Variants in PACS2 observed in about 807,000 individuals in gnomAD.
PACS2 encodes the protein phosphofurin acidic cluster sorting protein 2.
Under a neutral mutation model 113.0 loss-of-function variants are expected in PACS2, and 36 were observed. That is an observed-to-expected ratio of 0.32 (90% confidence interval 0.24 to 0.42). PACS2 has a LOEUF of 0.42. Among genes scored for constraint, PACS2 ranks in the 10% least tolerant of loss-of-function variants. The pLI is 1.00. For synonymous variants in PACS2, 589 were observed against 536.1 expected, an observed-to-expected ratio of 1.10 and a Z score of -1.36; for missense variants, 1,015 against 1,239.5, an observed-to-expected ratio of 0.82 and a Z score of 2.72.
At chr14:105,384,658 C>T (rs2081111791) in intron 17 of PACS2, among the ~76,000 whole-genome samples, 195 bp downstream of exon 17, 1 of 152,202 alleles carries the variant, frequency 6.6e-6, no homozygotes, top group African/African-American at 2.4e-5. Context: ...AGCTGTGGGG[C>T]CTGTCTGGGA....
intron 1 of PACS2, among the ~76,000 whole-genome samples, chr14:105,319,713 A>G (rs749382060): frequency 3.3e-5 from 5 of 152,096 alleles, no homozygotes; most frequent in Non-Finnish European, 7.3e-5. Flanking sequence ...AGTGTTGAAT[A>G]TGGTTGGTTG....
At chr14:105,335,429 CG>C (rs1458035834) in intron 1 of PACS2, among the ~76,000 whole-genome samples, 1 of 151,940 alleles carries the variant, frequency 6.6e-6, no homozygotes, top group African/African-American at 2.4e-5. Flanking sequence ...ACGCTGTGGC[CG>C]GCGCCTGGCG....
intron 22 of PACS2, 115 bp downstream of exon 22, chr14:105,391,881 C>G: frequency 8.8e-7 from 1 of 1,130,090 alleles, no homozygotes. Context: ...GCCTGTCAGC[C>G]ACGAAGGCGG....
At chr14:105,367,933 G>A (rs1160332196) in intron 5 of PACS2, 141 bp from the exon 6 acceptor site, 11 of 673,236 alleles carry the variant, frequency 1.6e-5, no homozygotes, top group Admixed American at 2.4e-5. Context: ...CACGGCACCT[G>A]TGTCTGGAGC....
chr14:105,344,340 G>T (rs1375031448), intron 1 of PACS2, among the ~76,000 whole-genome samples: 2 of 151,856 alleles, frequency 1.3e-5, no homozygotes, highest in African/African-American at 2.4e-5. Context: ...CCCCAGGCTG[G>T]CGTGCAGTGA....
At position 105,365,743 on chromosome 14, in the gene PACS2, G is replaced by C. The variant is rs587686426; in HGVS notation, c.424-1470G>C. 3.3e-5 allele frequency among the ~76,000 whole-genome samples: 5 copies of C among 152,114 alleles called. No individual in the cohort carries two copies. The highest frequency in any genetic ancestry group is 2.1e-4 in the South Asian group (1 of 4,824). The stretch of plus-strand genomic sequence containing the variant: ...CAGCAAGGGCTCAGCATTTCTGACC[G>C]AGGGCTTCTGAGCTTCCAGGTTCTC... On this transcript the variant is annotated intron_variant, in intron 4 of 24. Transcript: ENST00000447393. The surrounding 1 kb of genome is among the most constrained non-coding windows in gnomAD (Gnocchi z 5.1).
In PACS2 at chr14:105,357,204, C is replaced by G. The variant is rs1265719771; in HGVS notation, c.423+2027C>G. Among the ~76,000 whole-genome samples the G allele has an allele frequency of 6.6e-6, 1 of 152,164 alleles. No homozygotes were observed. The highest frequency in any genetic ancestry group is 2.4e-5 in the African/African-American group (1 of 41,426). ...CCTCTGCTCCCAGGCCCCTCCCTCA[C>G]CTGTCCTCCCAGCCTTGGGCTGTCC... On this transcript the variant is annotated intron_variant, in intron 4 of 24. Transcript: ENST00000447393. This position sits in a 1 kb window ranked among gnomAD's most constrained non-coding sequence, Gnocchi z 5.1.
rs1249646971 is a variant in PACS2, at chr14:105,323,476, C to T, written c.119+8439C>T. ...ACTCTCACGGCGGGACCCTGTCTGC[C>T]TTGCTCGGTGCTGCCCAGAGCCTGC... On this transcript the variant is annotated intron_variant, in intron 1 of 24. Transcript: ENST00000447393. This position sits in a 1 kb window ranked among gnomAD's most constrained non-coding sequence, Gnocchi z 4.1. Among the ~76,000 whole-genome samples the T allele has an allele frequency of 1.3e-5, 2 of 152,254 alleles. No homozygotes were observed. Among genetic ancestry groups the T allele is most frequent in the Non-Finnish European group, 2.9e-5 (2 of 68,040 alleles).
intron 23 of PACS2, 45 bp from the exon 24 acceptor site, chr14:105,393,177 C>T (rs373033776): frequency 6.5e-5 from 97 of 1,492,162 alleles, no homozygotes; most frequent in Non-Finnish European, 8.4e-5. Context: ...GCCCCAGCCC[C>T]GAAGGAGCAG....
Position 105,329,545 on chromosome 14 carries a change from A to AG in PACS2, c.119+14509dup, listed in dbSNP as rs1457891010. 6.6e-6 allele frequency among the ~76,000 whole-genome samples: 1 copy of AG among 151,984 alleles called. No homozygotes were observed. Among genetic ancestry groups the AG allele is most frequent in the Non-Finnish European group, 1.5e-5 (1 of 67,984 alleles). On this transcript the variant is annotated intron_variant, in intron 1 of 24. Transcript: ENST00000447393. This position sits in a 1 kb window ranked among gnomAD's most constrained non-coding sequence, Gnocchi z 6.4. ...GATCCTTGGGCTCATGGGGCAGTAG[A>AG]GTGGGGGGCTGTGGTCCTGGGCACC...
chr14:105,384,810 C>T (rs1187513963), intron 17 of PACS2, 69 bp from the exon 18 acceptor site: 1 of 1,045,736 alleles, frequency 9.6e-7, no homozygotes, highest in Non-Finnish European at 1.5e-6. Flanking sequence ...ACCGGGGAGG[C>T]CCAGCTTAGC....
At chr14:105,302,953 T>A (rs1255900886) in intron 1 of PACS2, among the ~76,000 whole-genome samples, 11 of 151,984 alleles carry the variant, frequency 7.2e-5, no homozygotes, top group Non-Finnish European at 1.6e-4. Flanking sequence ...CTTTTTTTTT[T>A]TTGAGATAGA....
Position 105,384,968 on chromosome 14 carries a change from C to A in PACS2, c.1981C>A (p.Leu661Met). The change falls in exon 18 of 25, where the codon CTG becomes ATG. Residue 661 changes from leucine to methionine, a missense_variant. Physicochemically the swap from Leu to Met is conservative, Grantham distance 15 (BLOSUM62 2). Around this residue, in one of 3 missense-constraint regions of PACS2, gnomAD observed 859 missense variants for 1,056.8 expected, o/e 0.81. Transcript: ENST00000447393. Reference sequence around the variant, plus strand: ...CCAGCTCCCCATCGCAGAGGCCATGCTGACCTACAAGCAGAAGAGGTAACG... The same window carrying A: ...CCAGCTCCCCATCGCAGAGGCCATGATGACCTACAAGCAGAAGAGGTAACG... ...AHQLPIAEAM[L>M]TYKQKRKKHF... The A allele has an allele frequency of 6.3e-7, 1 of 1,585,172 alleles. No homozygotes were observed. Among genetic ancestry groups the A allele is most frequent in the Non-Finnish European group, 8.6e-7 (1 of 1,164,534 alleles).
At chr14:105,337,696 C>T (rs1465715617) in intron 1 of PACS2, among the ~76,000 whole-genome samples, 1 of 152,158 alleles carries the variant, frequency 6.6e-6, no homozygotes, top group Admixed American at 6.5e-5. Flanking sequence ...GTCTCCAAAC[C>T]CCAGGGCCCA....
chr14:105,335,339 C>T (rs587613777), intron 1 of PACS2, among the ~76,000 whole-genome samples: 6 of 151,228 alleles, frequency 4.0e-5, no homozygotes, highest in African/African-American at 7.3e-5. Flanking sequence ...ACGCTGTGGC[C>T]GGCGCCTGGC....
chr14:105,383,437 G>A lies in PACS2; in HGVS notation c.1704G>A (p.Leu568=). The A allele has an allele frequency of 6.2e-7, 1 of 1,609,578 alleles. No individual in the cohort carries two copies. The highest frequency in any genetic ancestry group is 8.5e-7 in the Non-Finnish European group (1 of 1,179,818). ...CGCAGCATTACCTCAGTGCCATCCT[G>A]CGGCTCTTTGTGGAGCAGCTGTCCC... ...AGAQHYLSAI[L]RLFVEQLSHK... is the part of the protein sequence containing the mutation. The change falls in exon 16 of 25, where the codon CTG becomes CTA. Residue 568 remains leucine (L), a synonymous_variant. Coordinates refer to ENST00000447393, the MANE Select transcript of PACS2 (RefSeq NM_001100913.3).
In PACS2 at chr14:105,365,231, C is replaced by T. The variant is rs1458023267; in HGVS notation, c.424-1982C>T. Reference sequence around the variant, plus strand: ...GCCACAGTCCAGGACAGTGACCTGCCGGCCAGCATCACCCCAGGGGAGTGC... The same window carrying T: ...GCCACAGTCCAGGACAGTGACCTGCTGGCCAGCATCACCCCAGGGGAGTGC... On this transcript the variant is annotated intron_variant, in intron 4 of 24. Coordinates refer to ENST00000447393, the MANE Select transcript of PACS2 (RefSeq NM_001100913.3). The surrounding 1 kb of genome is among the most constrained non-coding windows in gnomAD (Gnocchi z 5.1). Among the ~76,000 whole-genome samples the T allele has an allele frequency of 2.0e-5, 3 of 152,178 alleles. No homozygotes were observed. The highest frequency in any genetic ancestry group is 2.1e-4 in the South Asian group (1 of 4,834).
At chr14:105,345,409 GA>G (rs369349340) in intron 1 of PACS2, among the ~76,000 whole-genome samples, 26 of 145,846 alleles carry the variant, frequency 1.8e-4, no homozygotes, top group Middle Eastern at 3.5e-3. Flanking sequence ...TCCGTCTTGA[GA>G]AAAAAAAAAA....
intron 2 of PACS2, among the ~76,000 whole-genome samples, chr14:105,352,062 A>G (rs1453539084): frequency 2.6e-5 from 4 of 152,182 alleles, no homozygotes; most frequent in African/African-American, 4.8e-5. Context: ...CAGCGCAGTC[A>G]GGTGCTGCTG....
Sources: allele counts gnomAD v4.1 joint callset (sites outside exome capture counted in the v4.1 genomes callset), GRCh38; gene constraint gnomAD v4.1.1; regional missense constraint gnomAD v4.1.1; non-coding constraint Gnocchi (gnomAD v3.1); transcripts MANE v1.5; gene names NCBI Gene and HGNC (gene_info 2026-07-23, HGNC 2026-07-21).